The following PDE1A variants were observed in gnomAD, a reference collection of about 807,000 sequenced individuals.
The protein encoded by PDE1A is phosphodiesterase 1A, also known as dual specificity calcium/calmodulin-dependent 3',5'-cyclic nucleotide phosphodiesterase 1A.
PDE1A carries 35 observed loss-of-function variants against 61.7 expected under a neutral mutation model. The ratio of observed to expected loss-of-function variants is 0.57; its 90% CI spans 0.43 to 0.75. PDE1A has a LOEUF of 0.75. Ranked by LOEUF, PDE1A falls within the 30% of genes least tolerant of loss-of-function variation. The pLI is 0.00. For synonymous variants in PDE1A, 232 were observed against 213.2 expected (o/e 1.09, Z -0.77); for missense variants, 597 against 630.6 (o/e 0.95, Z 0.57).
the PDE1A span, among the ~76,000 whole-genome samples, chr2:182,693,637 C>CTTTT: frequency 2.8e-4 from 35 of 123,428 alleles, 2 homozygotes; most frequent in Non-Finnish European, 3.9e-4. Context: ...TGATAGTGTT[C>CTTTT]TTTTTTTTTT....
In PDE1A at chr2:182,168,308, G is replaced by A. The variant is rs191104022; in HGVS notation, c.1517-18C>T. ...TCTTGCTTCTGAAAAAAAAAAAAGCGTACTTATTTTAATAATTTAGAGAAA... is the reference window on the plus strand; with the variant it reads ...TCTTGCTTCTGAAAAAAAAAAAAGCATACTTATTTTAATAATTTAGAGAAA... On this transcript the variant is annotated intron_variant, in intron 13 of 13. Coordinates refer to ENST00000351439, the Ensembl canonical transcript of PDE1A. 9,667 of 1,521,850 alleles carry A rather than the reference G, an allele frequency of 6.4e-3. 41 individuals carry two copies. Among genetic ancestry groups the A allele is most frequent in the Non-Finnish European group, 7.7e-3 (8,650 of 1,128,520 alleles). 94.3% of individuals were successfully genotyped at this position (1,521,850 alleles called of 1,614,324 possible).
At chr2:182,658,066 A>AAC in the PDE1A span, among the ~76,000 whole-genome samples, 15 of 106,360 alleles carry the variant, frequency 1.4e-4, no homozygotes, top group African/African-American at 4.4e-4. Context: ...AAAAAAAAAA[A>AAC]AAAAAACAAA....
intron 1 of PDE1A, among the ~76,000 whole-genome samples, chr2:182,332,778 T>C (rs1697504217): frequency 6.6e-6 from 1 of 152,016 alleles, no homozygotes; most frequent in South Asian, 2.1e-4. Flanking sequence ...GAGGTGTTAG[T>C]TGACCCCTGC....
At chr2:182,144,823 A>G (rs765755347), downstream of PDE1A, among the ~76,000 whole-genome samples, 9 of 152,228 alleles carry the variant, frequency 5.9e-5, no homozygotes, top group Admixed American at 6.5e-5. Context: ...AATAGGAAAA[A>G]TTGGAAGAGT....
At chr2:182,632,397 T>C in the PDE1A span, among the ~76,000 whole-genome samples, 1 of 152,146 alleles carries the variant, frequency 6.6e-6, no homozygotes, top group Non-Finnish European at 1.5e-5. Flanking sequence ...TAACTGCAAA[T>C]GTGAATCTTC....
At chr2:182,239,002 G>A (rs887857040) in intron 3 of PDE1A, among the ~76,000 whole-genome samples, 3 of 152,082 alleles carry the variant, frequency 2.0e-5, no homozygotes, top group African/African-American at 7.2e-5. Flanking sequence ...TTCTCTCACA[G>A]ATTTTCTGAT....
intron 1 of PDE1A, among the ~76,000 whole-genome samples, chr2:182,380,728 A>C (rs1700685920): frequency 6.6e-6 from 1 of 152,200 alleles, no homozygotes; most frequent in African/African-American, 2.4e-5. Context: ...GATAGTTATA[A>C]TTAGATAATT....
intron 1 of PDE1A, among the ~76,000 whole-genome samples, chr2:182,300,996 G>A (rs1026537379): frequency 6.6e-6 from 1 of 152,144 alleles, no homozygotes; most frequent in Non-Finnish European, 1.5e-5. Flanking sequence ...GGAAAGAGCA[G>A]TAATTTTTCA....
the PDE1A span, among the ~76,000 whole-genome samples, chr2:182,666,195 A>G: frequency 6.6e-6 from 1 of 152,216 alleles, no homozygotes; most frequent in Non-Finnish European, 1.5e-5. Flanking sequence ...CATCCTGCAC[A>G]TGTAACCCAG....
chr2:182,360,721 T>G (rs911551915), intron 1 of PDE1A, among the ~76,000 whole-genome samples: 1 of 147,988 alleles, frequency 6.8e-6, no homozygotes, highest in African/African-American at 2.5e-5. Context: ...TTTTTAGAAG[T>G]TTTTTTTTTC....
At chr2:182,204,202 A>G (rs1342353708) in intron 8 of PDE1A, among the ~76,000 whole-genome samples, 1 of 152,196 alleles carries the variant, frequency 6.6e-6, no homozygotes, top group East Asian at 1.9e-4. Context: ...ATAAACTAAT[A>G]CCCTAGATGT....
the PDE1A span, among the ~76,000 whole-genome samples, chr2:182,708,931 T>C: frequency 6.6e-6 from 1 of 152,190 alleles, no homozygotes; most frequent in Non-Finnish European, 1.5e-5. Flanking sequence ...CTGAGAATTA[T>C]AAAGCAGATG....
chr2:182,510,128 T>C (rs1014398651), intron 2 of PDE1A, among the ~76,000 whole-genome samples: 72 of 152,220 alleles, frequency 4.7e-4, no homozygotes, highest in African/African-American at 1.7e-3. Context: ...TGTCGGCCTA[T>C]TTAGTAAAAG....
chr2:182,462,024 G>A (rs552592071), intron 2 of PDE1A, among the ~76,000 whole-genome samples: 1 of 152,054 alleles, frequency 6.6e-6, no homozygotes, highest in Non-Finnish European at 1.5e-5. Context: ...AACCAAGGGG[G>A]CTCATTCTCT....
Position 182,425,956 on chromosome 2 carries a change from G to A in PDE1A, c.53+622C>T, listed in dbSNP as rs571428553. 3.0e-4 allele frequency among the ~76,000 whole-genome samples: 45 copies of A among 152,254 alleles called. 1 individual carries two copies. The highest frequency in any genetic ancestry group is 9.4e-4 in the African/African-American group (39 of 41,550). ...TTAAAGAGTCAATGAAGAAACAGCT[G>A]CTTTCTTAAAGAAAGGGTGTACCTC... is the stretch of plus-strand genomic sequence containing the variant. On this transcript the variant is annotated intron_variant, in intron 1 of 13. Transcript: ENST00000351439.
At chr2:182,589,840 G>C in the PDE1A span, among the ~76,000 whole-genome samples, 1 of 152,144 alleles carries the variant, frequency 6.6e-6, no homozygotes, top group Non-Finnish European at 1.5e-5. Context: ...CATCATACCA[G>C]TGGTTAACAT....
intron 10 of PDE1A, among the ~76,000 whole-genome samples, chr2:182,196,675 T>G (rs1028072014): frequency 2.0e-5 from 3 of 151,516 alleles, no homozygotes; most frequent in Admixed American, 2.0e-4. Flanking sequence ...CACCATATAT[T>G]AATTTTGCCA....
chr2:182,478,968 T>C (rs1482143595), intron 2 of PDE1A, among the ~76,000 whole-genome samples: 1 of 151,914 alleles, frequency 6.6e-6, no homozygotes, highest in African/African-American at 2.4e-5. Context: ...GTCTGAAAAA[T>C]GACTCCTGTC....
At chr2:182,399,560 T>C (rs762535868) in intron 1 of PDE1A, among the ~76,000 whole-genome samples, 2 of 152,122 alleles carry the variant, frequency 1.3e-5, no homozygotes, top group Non-Finnish European at 2.9e-5. Context: ...CCTCTAAGCT[T>C]ATCAATTGTA....
Sources: gnomAD v4.1 joint callset for allele counts (sites outside exome capture counted in the v4.1 genomes callset) on GRCh38, gnomAD v4.1.1 for gene constraint, MANE v1.5 for transcripts, NCBI Gene and HGNC (gene_info 2026-07-23, HGNC 2026-07-21) for gene names.